Variants in JAK2 observed in about 807,000 individuals in gnomAD.
JAK2 encodes the protein tyrosine-protein kinase JAK2.
In JAK2, 86 loss-of-function variants were observed where a neutral mutation model predicts 139.3. The ratio of observed to expected loss-of-function variants is 0.62; its 90% CI spans 0.52 to 0.74. The LOEUF is 0.74. JAK2 is among the 30% of genes least tolerant of loss of function. JAK2 has a pLI of 0.00. For missense variants in JAK2, 1,421 were observed against 1,360.3 expected (o/e 1.04, Z -0.70); for synonymous variants, 490 against 437.7 (o/e 1.12, Z -1.49).
intron 4 of JAK2, among the ~76,000 whole-genome samples, chr9:5,034,906 T>G (rs879542257): frequency 2.0e-5 from 3 of 151,944 alleles, no homozygotes; most frequent in African/African-American, 4.8e-5. Context: ...CTGAAGGACA[T>G]AGAGAGACAA....
chr9:5,087,230 A>T (rs1014299486), intron 19 of JAK2, among the ~76,000 whole-genome samples: 2 of 152,184 alleles, frequency 1.3e-5, no homozygotes, highest in Non-Finnish European at 1.5e-5. Context: ...GGCCTCAGGA[A>T]ACTTACAGTC....
intron 22 of JAK2, chr9:5,111,150 A>G: frequency 3.4e-6 from 3 of 889,276 alleles, no homozygotes; most frequent in Non-Finnish European, 3.5e-6. Flanking sequence ...AAGGCGCTCA[A>G]CTTGCTGAGT....
chr9:5,128,080 TTGTG>T lies in JAK2; in HGVS notation c.*1327_*1330del, dbSNP rs139964957. 24,558 of 222,886 alleles carry T rather than the reference TTGTG, an allele frequency of 0.11. 1,143 individuals are homozygous for T. Among genetic ancestry groups the T allele is most frequent in the African/African-American group, 0.22 (9,617 of 43,154 alleles). 13.8% of individuals were successfully genotyped at this position (222,886 alleles called of 1,614,324 possible). A position where few individuals can be genotyped will look rare whatever the true frequency, so the allele number is the denominator to read the frequency against. ...TAGCTAAAATAAAATATGGTGGGTTTTGTGTGTGTGTGTGTGTGTGTGTGTGTGT... is the reference window on the plus strand; with the variant it reads ...TAGCTAAAATAAAATATGGTGGGTTTTGTGTGTGTGTGTGTGTGTGTGTGT... On this transcript the variant is annotated 3_prime_UTR_variant, in exon 25 of 25. Coordinates refer to ENST00000381652, the MANE Select transcript of JAK2 (RefSeq NM_004972.4).
chr9:5,083,959 C>T (rs1052834602), intron 19 of JAK2, among the ~76,000 whole-genome samples: 6 of 151,748 alleles, frequency 4.0e-5, no homozygotes, highest in African/African-American at 1.4e-4. Context: ...CAAGATTTTC[C>T]CATTATTAAT....
chr9:5,128,827 AT>A lies in JAK2; in HGVS notation c.*2038del, dbSNP rs1319123276. The stretch of plus-strand genomic sequence containing the variant: ...GTTCTGTACAAGAAACAGGTAAGTA[AT>A]TATTGTACCAGTTAATGCCAAAATA... On this transcript the variant is annotated 3_prime_UTR_variant, in exon 25 of 25. Transcript: ENST00000381652. Among the ~76,000 whole-genome samples, 1 of 152,018 alleles carries A rather than the reference AT, an allele frequency of 6.6e-6. No homozygotes were observed. Among genetic ancestry groups the A allele is most frequent in the African/African-American group, 2.4e-5 (1 of 41,448 alleles).
At chr9:5,098,853 C>G (rs1821239342) in intron 22 of JAK2, 1 of 152,204 alleles carries the variant, frequency 6.6e-6, no homozygotes, top group Admixed American at 6.6e-5. Context: ...GCCACCATGC[C>G]TGGGTAATTT....
chr9:5,060,041 C>A (rs537023782), intron 8 of JAK2, among the ~76,000 whole-genome samples: 51 of 152,164 alleles, frequency 3.4e-4, no homozygotes, highest in Non-Finnish European at 5.4e-4. Flanking sequence ...AAGTGAGTCA[C>A]ATAAATTTTT....
chr9:5,020,430 T>A (rs1304804961), intron 2 of JAK2, among the ~76,000 whole-genome samples: 2 of 151,864 alleles, frequency 1.3e-5, no homozygotes, highest in Admixed American at 6.6e-5. Context: ...GCAGGTGCTG[T>A]TTGTGGTGGG....
At position 5,127,172 on chromosome 9, in the gene JAK2, A is replaced by C. The variant is rs941103826; in HGVS notation, c.*381A>C. 1.7e-5 allele frequency: 4 copies of C among 240,130 alleles called. No homozygotes were observed. Among genetic ancestry groups the C allele is most frequent in the Non-Finnish European group, 2.4e-5 (3 of 122,486 alleles). 14.9% of individuals were successfully genotyped at this position (240,130 alleles called of 1,614,324 possible). ...AATATGTATGTATAGTTTTTACCAC[A>C]GTGGATGTATAATACCTTGGCATCT... is the stretch of plus-strand genomic sequence containing the variant. On this transcript the variant is annotated 3_prime_UTR_variant, in exon 25 of 25. Coordinates refer to ENST00000381652, the MANE Select transcript of JAK2 (RefSeq NM_004972.4).
intron 22 of JAK2, among the ~76,000 whole-genome samples, chr9:5,102,262 G>A (rs546523836): frequency 1.3e-5 from 2 of 152,136 alleles, no homozygotes; most frequent in African/African-American, 2.4e-5. Flanking sequence ...TTCACTAGCC[G>A]ACTTGATCAA....
At chr9:5,075,672 C>T (rs1316628122) in intron 14 of JAK2, among the ~76,000 whole-genome samples, 2 of 152,190 alleles carry the variant, frequency 1.3e-5, no homozygotes, top group African/African-American at 4.8e-5. Flanking sequence ...CACCCAAGAG[C>T]TCTGATGGAG....
At chr9:5,020,189 T>G (rs1173811646) in intron 2 of JAK2, among the ~76,000 whole-genome samples, 1 of 152,084 alleles carries the variant, frequency 6.6e-6, no homozygotes, top group Non-Finnish European at 1.5e-5. Flanking sequence ...ATTGGCTGGG[T>G]AGGCAAGTCC....
At chr9:5,039,896 T>G (rs1211834010) in intron 4 of JAK2, among the ~76,000 whole-genome samples, 1 of 152,208 alleles carries the variant, frequency 6.6e-6, no homozygotes, top group Non-Finnish European at 1.5e-5. Flanking sequence ...CCTTAATTGA[T>G]CTGTATGTTC....
At chr9:5,076,951 A>G (rs1363261354) in intron 14 of JAK2, among the ~76,000 whole-genome samples, 1 of 151,916 alleles carries the variant, frequency 6.6e-6, no homozygotes, top group Non-Finnish European at 1.5e-5. Flanking sequence ...TTTTTAAAAA[A>G]GTTTTAAAGA....
At chr9:5,107,755 A>G (rs1822086980) in intron 22 of JAK2, among the ~76,000 whole-genome samples, 1 of 152,070 alleles carries the variant, frequency 6.6e-6, no homozygotes, top group Admixed American at 6.5e-5. Context: ...TACTGTCAAT[A>G]TTTATCATAA....
At chr9:4,990,441 C>T (rs1418151986) in intron 2 of JAK2, among the ~76,000 whole-genome samples, 5 of 152,136 alleles carry the variant, frequency 3.3e-5, no homozygotes, top group African/African-American at 4.8e-5. Context: ...GTTGAGTTTG[C>T]GGTGGCCGTG....
chr9:5,058,488 C>A (rs1020778582), intron 8 of JAK2, among the ~76,000 whole-genome samples: 1 of 152,162 alleles, frequency 6.6e-6, no homozygotes, highest in Admixed American at 6.5e-5. Context: ...TCACCTCCCA[C>A]CATGTCCCTC....
chr9:5,017,935 C>T (rs1822180901), intron 2 of JAK2, among the ~76,000 whole-genome samples: 1 of 152,122 alleles, frequency 6.6e-6, no homozygotes, highest in Admixed American at 6.6e-5. Flanking sequence ...ATCTGATATA[C>T]CTTTGCATGG....
chr9:5,084,881 T>A, intron 19 of JAK2: 1 of 411,420 alleles, frequency 2.4e-6, no homozygotes, highest in Non-Finnish European at 4.7e-6. Flanking sequence ...CATCAATAAG[T>A]TTGATATCTT....
Sources: allele counts gnomAD v4.1 joint callset (sites outside exome capture counted in the v4.1 genomes callset), GRCh38; gene constraint gnomAD v4.1.1; transcripts MANE v1.5; gene names NCBI Gene and HGNC (gene_info 2026-07-23, HGNC 2026-07-21).